Variants in IQCJ observed in about 807,000 individuals in gnomAD.
IQCJ encodes the protein IQ motif containing J.
A neutral mutation model predicts 11.0 loss-of-function variants in IQCJ; 9 were observed. The ratio of observed to expected loss-of-function variants is 0.82; its 90% confidence interval spans 0.49 to 1.43. The LOEUF is 1.43. IQCJ is among the 40% of genes most tolerant of loss of function. The pLI is 0.00. For missense variants in IQCJ, 146 were observed against 133.2 expected, an observed-to-expected ratio of 1.10 and a Z score of -0.47; for synonymous variants, 55 against 51.3, an observed-to-expected ratio of 1.07 and a Z score of -0.31.
chr3:159,167,529 T>G (rs1481900345), intron 1 of IQCJ, among the ~76,000 whole-genome samples: 1 of 152,220 alleles, frequency 6.6e-6, no homozygotes, highest in Non-Finnish European at 1.5e-5. Flanking sequence ...TAAAATGTTG[T>G]CCTTTACAGA....
At chr3:159,225,331 A>G (rs932487018) in intron 1 of IQCJ, among the ~76,000 whole-genome samples, 1 of 152,222 alleles carries the variant, frequency 6.6e-6, no homozygotes, top group Non-Finnish European at 1.5e-5. Flanking sequence ...TCTTAAAATA[A>G]CGAAATCATA....
intron 2 of IQCJ, among the ~76,000 whole-genome samples, chr3:159,248,437 C>T (rs1727399908): frequency 6.6e-6 from 1 of 152,166 alleles, no homozygotes; most frequent in Admixed American, 6.5e-5. Flanking sequence ...CCTCCACCAC[C>T]ACCGTCAATA....
intron 1 of IQCJ, among the ~76,000 whole-genome samples, chr3:159,074,061 G>A (rs1481573995): frequency 1.3e-5 from 2 of 152,050 alleles, no homozygotes; most frequent in East Asian, 3.9e-4. Flanking sequence ...ATTAATGGAA[G>A]ATATACCTGC....
At chr3:159,184,727 A>G (rs1723287711) in intron 1 of IQCJ, among the ~76,000 whole-genome samples, 1 of 152,220 alleles carries the variant, frequency 6.6e-6, no homozygotes, top group South Asian at 2.1e-4. Context: ...TCAGGTAGAC[A>G]TATTTGGATG....
intron 1 of IQCJ, among the ~76,000 whole-genome samples, chr3:159,087,986 T>G (rs2108073108): frequency 6.6e-6 from 1 of 151,336 alleles, no homozygotes; most frequent in South Asian, 2.1e-4. Flanking sequence ...GCTCTTGCTT[T>G]TCTAGTTCTT....
At chr3:159,206,092 T>G (rs777030471) in intron 1 of IQCJ, among the ~76,000 whole-genome samples, 2 of 152,202 alleles carry the variant, frequency 1.3e-5, no homozygotes, top group Non-Finnish European at 2.9e-5. Flanking sequence ...AATCCCTCCA[T>G]CCTGAAAATT....
intron 1 of IQCJ, among the ~76,000 whole-genome samples, chr3:159,158,771 A>G (rs1443916459): frequency 6.6e-6 from 1 of 152,252 alleles, no homozygotes; most frequent in Non-Finnish European, 1.5e-5. Context: ...GTCACACTAT[A>G]GTCATTGCAA....
chr3:159,214,122 G>C (rs544755778), intron 1 of IQCJ, among the ~76,000 whole-genome samples: 29 of 152,046 alleles, frequency 1.9e-4, no homozygotes, highest in South Asian at 1.2e-3. Flanking sequence ...CTGTTTGCTG[G>C]ACATGTCCAT....
chr3:159,160,622 G>A (rs1004907467), intron 1 of IQCJ, among the ~76,000 whole-genome samples: 1 of 151,788 alleles, frequency 6.6e-6, no homozygotes, highest in Non-Finnish European at 1.5e-5. Context: ...ATGCTGGTGT[G>A]CTGCACCCAT....
chr3:159,181,666 C>G lies in IQCJ; in HGVS notation c.10-64177C>G, dbSNP rs917641429. On this transcript the variant is annotated intron_variant, in intron 1 of 3. Transcript: ENST00000397832. ...TACCTATCACAGTGAATTGCTTCAT[C>G]TACCCAGATTCCTGAGCTGGAAGCA... is the stretch of plus-strand genomic sequence containing the variant. 2.4e-4 allele frequency among the ~76,000 whole-genome samples: 36 copies of G among 151,634 alleles called. 1 individual carries two copies. Among genetic ancestry groups the G allele is most frequent in the Non-Finnish European group, 1.2e-4 (8 of 67,998 alleles).
At chr3:159,200,104 A>AATATATATATATATATATATATATATAT (rs539820364) in intron 1 of IQCJ, among the ~76,000 whole-genome samples, 1,300 of 115,942 alleles carry the variant, frequency 0.011, 46 homozygotes, top group African/African-American at 0.02. Flanking sequence ...TTTATACATA[A>AATATATATATATATATATATATATATAT]ATATATATAT....
intron 1 of IQCJ, among the ~76,000 whole-genome samples, chr3:159,213,955 C>T (rs1300133252): frequency 1.3e-5 from 2 of 152,144 alleles, no homozygotes; most frequent in African/African-American, 4.8e-5. Flanking sequence ...TTTCTTTAAC[C>T]TGTCCCTTAA....
intron 1 of IQCJ, among the ~76,000 whole-genome samples, chr3:159,234,742 A>T (rs1461561331): frequency 6.6e-6 from 1 of 152,212 alleles, no homozygotes; most frequent in Non-Finnish European, 1.5e-5. Flanking sequence ...CAAGGGTGGT[A>T]GTGGAGGGGA....
chr3:159,183,396 C>T (rs1324692331), intron 1 of IQCJ, among the ~76,000 whole-genome samples: 2 of 152,020 alleles, frequency 1.3e-5, no homozygotes, highest in African/African-American at 4.8e-5. Flanking sequence ...GTAATGTCTC[C>T]CTTCTTCATG....
intron 1 of IQCJ, among the ~76,000 whole-genome samples, chr3:159,180,881 T>TATAACAACA (rs1723055298): frequency 1.3e-5 from 2 of 152,176 alleles, no homozygotes; most frequent in Admixed American, 1.3e-4. Context: ...TTACAACATT[T>TATAACAACA]TGTCATCAAG....
At chr3:159,156,783 A>C (rs1721545512) in intron 1 of IQCJ, among the ~76,000 whole-genome samples, 1 of 152,184 alleles carries the variant, frequency 6.6e-6, no homozygotes, top group Admixed American at 6.5e-5. Context: ...GGGTTCTAGT[A>C]CTAAAATAAA....
At chr3:159,146,295 C>A (rs1720923733) in intron 1 of IQCJ, among the ~76,000 whole-genome samples, 1 of 152,042 alleles carries the variant, frequency 6.6e-6, no homozygotes, top group Non-Finnish European at 1.5e-5. Context: ...TGGAAATAAA[C>A]ATTTGGAGCT....
intron 1 of IQCJ, among the ~76,000 whole-genome samples, chr3:159,191,764 T>C (rs924490899): frequency 6.6e-6 from 1 of 152,224 alleles, no homozygotes; most frequent in Admixed American, 6.5e-5. Flanking sequence ...ATTTTATCTC[T>C]GGTACAAGTT....
intron 1 of IQCJ, among the ~76,000 whole-genome samples, chr3:159,200,047 T>TATATATATAA (rs946263011): frequency 2.1e-5 from 3 of 139,906 alleles, no homozygotes; most frequent in African/African-American, 8.3e-5. Flanking sequence ...TATATATATA[T>TATATATATAA]AAATCTAAAT....
Sources: gnomAD v4.1 joint callset for allele counts (sites outside exome capture counted in the v4.1 genomes callset) on GRCh38, gnomAD v4.1.1 for gene constraint, MANE v1.5 for transcripts, NCBI Gene and HGNC (gene_info 2026-07-23, HGNC 2026-07-21) for gene names.